Variants in IKBKB observed in about 807,000 individuals in gnomAD.
IKBKB encodes the protein inhibitor of nuclear factor kappa B kinase subunit beta, also known as inhibitor of nuclear factor kappa-B kinase subunit beta.
A neutral mutation model predicts 113.6 loss-of-function variants in IKBKB; 42 were observed. That is an observed-to-expected ratio of 0.37 (90% CI 0.29 to 0.48). The LOEUF (loss-of-function observed/expected upper bound fraction) is 0.48, where lower values mean the gene tolerates loss of function less well. Among genes scored for constraint, IKBKB ranks in the 20% least tolerant of loss-of-function variants. The pLI is 0.99. For synonymous variants in IKBKB, 296 were observed against 361.3 expected (o/e 0.82, Z 2.05); for missense variants, 673 against 939.7 (o/e 0.72, Z 3.71).
At chr8:42,275,336 C>T (rs1307571985) in intron 2 of IKBKB, among the ~76,000 whole-genome samples, 2 of 151,428 alleles carry the variant, frequency 1.3e-5, no homozygotes, top group African/African-American at 4.9e-5. Context: ...TACAGGTGTG[C>T]GTTGCCATGC....
At chr8:42,281,561 G>A (rs565819328) in intron 2 of IKBKB, among the ~76,000 whole-genome samples, 38 of 152,284 alleles carry the variant, frequency 2.5e-4, no homozygotes, top group Non-Finnish European at 4.1e-4. Context: ...AGGGAGTAGG[G>A]TGAAGAAGTC....
intron 5 of IKBKB, among the ~76,000 whole-genome samples, chr8:42,303,060 GGAGAGAGAGAGAGA>G (rs34921450): frequency 6.1e-5 from 7 of 114,196 alleles, no homozygotes; most frequent in East Asian, 2.4e-4. Context: ...TTGCCGAGAG[GGAGAGAGAGAGAGA>G]GAGAGAGAGA....
intron 21 of IKBKB, chr8:42,329,480 A>G: frequency 1.2e-6 from 1 of 826,712 alleles, no homozygotes; most frequent in Non-Finnish European, 1.5e-6. Flanking sequence ...GCGTCACCAC[A>G]TTCAGCTGAT....
chr8:42,296,649 CAA>C lies in IKBKB; in HGVS notation c.388+3151_388+3152del, dbSNP rs34947916. Among the ~76,000 whole-genome samples, 553 of 117,278 alleles carry C rather than the reference CAA, an allele frequency of 4.7e-3. 7 individuals are homozygous for C. Among genetic ancestry groups the C allele is most frequent in the African/African-American group, 0.013 (499 of 37,112 alleles). The allele number at this position is 117,278 out of a possible 152,430, so 76.9% of individuals were successfully genotyped here. A position where few individuals can be genotyped will look rare whatever the true frequency, so the allele number is the denominator to read the frequency against. On this transcript the variant is annotated intron_variant, in intron 5 of 21. Coordinates refer to ENST00000520810, the MANE Select transcript of IKBKB (RefSeq NM_001556.3). The stretch of plus-strand genomic sequence containing the variant: ...GGGCAACAAGAGTGAAACTCCATCT[CAA>C]AAAAAAAAAAAAATTGTCAAATGAA...
intron 2 of IKBKB, among the ~76,000 whole-genome samples, chr8:42,281,216 C>T (rs931354152): frequency 6.6e-6 from 1 of 152,120 alleles, no homozygotes; most frequent in African/African-American, 2.4e-5. Context: ...AAAGGAGGTA[C>T]ACTTTCGAGG....
At chr8:42,314,658 C>T (rs755723975) in intron 9 of IKBKB, among the ~76,000 whole-genome samples, 1 of 151,780 alleles carries the variant, frequency 6.6e-6, no homozygotes, top group Non-Finnish European at 1.5e-5. Context: ...ACCTGTAATC[C>T]CAGCTACTCA....
intron 3 of IKBKB, 84 bp downstream of exon 3, chr8:42,288,812 C>A: frequency 1.8e-6 from 2 of 1,098,342 alleles, no homozygotes; most frequent in Non-Finnish European, 2.7e-6. Context: ...TTGCTGGGTG[C>A]GTGGCTCACG....
intron 2 of IKBKB, among the ~76,000 whole-genome samples, chr8:42,285,652 C>A (rs1443225625): frequency 6.6e-6 from 1 of 152,220 alleles, no homozygotes; most frequent in African/African-American, 2.4e-5. Context: ...CAGGGTTCTA[C>A]TAGACAAAGA....
At chr8:42,323,075 C>CT (rs561075770) in intron 19 of IKBKB, among the ~76,000 whole-genome samples, 200 of 152,318 alleles carry the variant, frequency 1.3e-3, no homozygotes, top group Admixed American at 2.3e-3. Context: ...ACTCCAGTCT[C>CT]TGTCTCTGTC....
Position 42,293,451 on chromosome 8 carries a change from C to G in IKBKB, c.327C>G (p.Asn109Lys), listed in dbSNP as rs1186906925. The change falls in exon 5 of 22, where the codon AAC becomes AAG. Residue 109 changes from asparagine (N) to lysine (K), a missense_variant. Asn to Lys is a moderately conservative substitution (Grantham distance 94, BLOSUM62 0). This residue lies in a region of IKBKB where 167 missense variants were observed against 301.0 expected (regional missense o/e 0.55). Coordinates refer to ENST00000520810, the MANE Select transcript of IKBKB (RefSeq NM_001556.3). The part of the protein sequence containing the change: ...CQGGDLRKYL[N>K]QFENCCGLRE... ...TTTCACTTTCTTGACAGTACCTGAA[C>G]CAGTTTGAGAACTGCTGTGGTCTGC... The G allele has an allele frequency of 6.2e-7, 1 of 1,614,056 alleles. No homozygotes were observed. The highest frequency in any genetic ancestry group is 8.5e-7 in the Non-Finnish European group (1 of 1,180,018).
At chr8:42,275,337 G>A (rs971794044) in intron 2 of IKBKB, among the ~76,000 whole-genome samples, 20 of 152,098 alleles carry the variant, frequency 1.3e-4, no homozygotes, top group South Asian at 6.2e-4. Flanking sequence ...ACAGGTGTGC[G>A]TTGCCATGCC....
At chr8:42,287,928 A>G (rs17875744) in intron 2 of IKBKB, among the ~76,000 whole-genome samples, 5,276 of 152,234 alleles carry the variant, frequency 0.035, 105 homozygotes, top group Non-Finnish European at 0.042. Flanking sequence ...TTGTAGGTCA[A>G]TGTGGTCAAT....
chr8:42,273,848 T>C (rs915975068), intron 2 of IKBKB, among the ~76,000 whole-genome samples: 3 of 152,084 alleles, frequency 2.0e-5, no homozygotes, highest in African/African-American at 7.2e-5. Context: ...TCATTGAACC[T>C]GGCCTGTTTT....
Position 42,326,095 on chromosome 8 carries a change from G to A in IKBKB, c.2112G>A (p.Lys704=). The A allele has an allele frequency of 6.2e-7, 1 of 1,614,216 alleles. No individual in the cohort carries two copies. Among genetic ancestry groups the A allele is most frequent in the South Asian group, 1.1e-5 (1 of 91,092 alleles). ...ASNSLPEPAK[K]SEELVAEAHN... ...ACAGCTTACCTGAGCCAGCCAAGAA[G>A]AGGTAGGTCCTCCTTAGCAGTGCCA... is the stretch of plus-strand genomic sequence containing the variant. Residue 704 remains lysine, a splice_region_variant and synonymous_variant, in exon 20 of 22, where the codon AAG becomes AAA. Coordinates refer to ENST00000520810, the MANE Select transcript of IKBKB (RefSeq NM_001556.3).
intron 4 of IKBKB, among the ~76,000 whole-genome samples, chr8:42,291,332 C>T (rs1348600032): frequency 1.3e-5 from 2 of 152,140 alleles, no homozygotes; most frequent in Admixed American, 6.5e-5. Context: ...TAGGCGCCCG[C>T]CCCCACGCCT....
chr8:42,272,110 T>A lies in IKBKB; in HGVS notation c.10T>A (p.Ser4Thr). The change falls in exon 2 of 22, where the codon TCA becomes ACA. Residue 4 changes from serine to threonine, a missense_variant. By Grantham distance (58) the Ser-to-Thr change is moderately conservative. This residue lies in a region of IKBKB where 167 missense variants were observed against 301.0 expected (regional missense o/e 0.55). Transcript: ENST00000520810. MSW[S>T]PSLTTQTCGA... ...TTAGCACGACATCAGTATGAGCTGG[T>A]CACCTTCCCTGACAACGCAGACATG... is the stretch of plus-strand genomic sequence containing the variant. The A allele has an allele frequency of 6.2e-7, 1 of 1,614,162 alleles. No individual in the cohort carries two copies. The highest frequency in any genetic ancestry group is 1.3e-5 in the African/African-American group (1 of 75,054).
At position 42,299,821 on chromosome 8, in the gene IKBKB, G is replaced by C. The variant is rs143437309; in HGVS notation, c.389-5366G>C. Among the ~76,000 whole-genome samples the C allele has an allele frequency of 1.2e-3, 185 of 152,352 alleles. 1 individual carries two copies. Among genetic ancestry groups the C allele is most frequent in the Non-Finnish European group, 2.3e-3 (157 of 68,038 alleles). Reference sequence around the variant, plus strand: ...GCAGACCTGCCCCTCTGTGGGGATTGCCTGGCCTGGGGTCACGGGGATTTT... The same window carrying C: ...GCAGACCTGCCCCTCTGTGGGGATTCCCTGGCCTGGGGTCACGGGGATTTT... On this transcript the variant is annotated intron_variant, in intron 5 of 21. Coordinates refer to ENST00000520810, the MANE Select transcript of IKBKB (RefSeq NM_001556.3).
chr8:42,279,631 GTC>G (rs1809925392), intron 2 of IKBKB, among the ~76,000 whole-genome samples: 1 of 152,164 alleles, frequency 6.6e-6, no homozygotes, highest in African/African-American at 2.4e-5. Context: ...CTGAAGCACA[GTC>G]TCTGTGACTC....
At chr8:42,318,753 G>A in intron 13 of IKBKB, 78 bp downstream of exon 13, 4 of 1,401,378 alleles carry the variant, frequency 2.9e-6, no homozygotes, top group Non-Finnish European at 3.9e-6. Flanking sequence ...AGGTGGTTGA[G>A]GCAGGGACCC....
Sources: gnomAD v4.1 joint callset for allele counts (sites outside exome capture counted in the v4.1 genomes callset) on GRCh38, gnomAD v4.1.1 for gene constraint, gnomAD v4.1.1 regional missense constraint, MANE v1.5 for transcripts, NCBI Gene and HGNC (gene_info 2026-07-23, HGNC 2026-07-21) for gene names.